The following NOL4L variants were observed in gnomAD, a reference collection of about 807,000 sequenced individuals.
The protein encoded by NOL4L is nucleolar protein 4 like, also known as nucleolar protein 4-like.
NOL4L carries 7 observed loss-of-function variants against 64.5 expected under a neutral mutation model. The observed-to-expected ratio is 0.11, with a 90% CI of 0.06 to 0.20. NOL4L has a LOEUF of 0.20. Among genes scored for constraint, NOL4L ranks in the 10% least tolerant of loss-of-function variants. NOL4L has a pLI of 1.00. For missense variants in NOL4L, 680 were observed against 967.1 expected (o/e 0.70, Z 3.94); for synonymous variants, 413 against 401.0 (o/e 1.03, Z -0.36).
intron 1 of NOL4L, among the ~76,000 whole-genome samples, chr20:32,565,315 G>A (rs1979358176): frequency 6.6e-6 from 1 of 152,158 alleles, no homozygotes; most frequent in African/African-American, 2.4e-5. Flanking sequence ...CCTGCCTGCG[G>A]CCTGAGCTTC....
intron 4 of NOL4L, among the ~76,000 whole-genome samples, chr20:32,500,695 G>C (rs2016889556): frequency 1.3e-5 from 2 of 152,024 alleles, no homozygotes; most frequent in Admixed American, 1.3e-4. Flanking sequence ...AAATATGCAA[G>C]ATGAGCCTGG....
intron 4 of NOL4L, among the ~76,000 whole-genome samples, chr20:32,482,430 G>C (rs1023753177): frequency 6.6e-6 from 1 of 152,092 alleles, no homozygotes; most frequent in Non-Finnish European, 1.5e-5. Flanking sequence ...ACGCAGCTCC[G>C]GGTGGGAGCA....
At chr20:32,451,230 A>AC (rs1568590055) in intron 10 of NOL4L, among the ~76,000 whole-genome samples, 2 of 152,056 alleles carry the variant, frequency 1.3e-5, no homozygotes, top group African/African-American at 2.4e-5. Context: ...CTTCTGAACG[A>AC]CCCCCAAAGC....
chr20:32,484,427 GTCT>G, intron 4 of NOL4L, among the ~76,000 whole-genome samples: 1 of 149,766 alleles, frequency 6.7e-6, no homozygotes, highest in African/African-American at 2.5e-5. Flanking sequence ...CATCCGCACC[GTCT>G]CGCTCTTCAC....
chr20:32,485,303 T>G (rs2016042639), intron 4 of NOL4L, among the ~76,000 whole-genome samples: 1 of 152,176 alleles, frequency 6.6e-6, no homozygotes, highest in Admixed American at 6.5e-5. Context: ...CCTTTTTTCT[T>G]TCTTCCTCTG....
chr20:32,477,128 GCA>G (rs757697885), intron 4 of NOL4L, among the ~76,000 whole-genome samples: 10 of 152,154 alleles, frequency 6.6e-5, no homozygotes, highest in Non-Finnish European at 8.8e-5. Flanking sequence ...CACTCAATAC[GCA>G]CACTCTGGCC....
intron 1 of NOL4L, among the ~76,000 whole-genome samples, chr20:32,556,552 G>A (rs1363006705): frequency 1.3e-5 from 2 of 152,142 alleles, no homozygotes; most frequent in East Asian, 1.9e-4. Context: ...GACTAGAAGC[G>A]GAGGCTCAGA....
intron 4 of NOL4L, 94 bp downstream of exon 4, chr20:32,511,253 A>T: frequency 1.3e-6 from 1 of 757,964 alleles, no homozygotes; most frequent in Non-Finnish European, 2.2e-6. Context: ...CCGTGTGTTT[A>T]CACAAGCTGT....
intron 1 of NOL4L, among the ~76,000 whole-genome samples, chr20:32,538,363 C>T (rs1454784789): frequency 2.6e-5 from 4 of 152,108 alleles, no homozygotes; most frequent in East Asian, 1.9e-4. Flanking sequence ...GAAGCAGAAC[C>T]GGCTCTGTGT....
At position 32,478,993 on chromosome 20, in the gene NOL4L, C is replaced by T. The variant is rs566315401; in HGVS notation, c.700-4251G>A. ...AGACTTACACAAACCCTTCAACACCCAGACTTTCAAGGGCTGAGGTAGAGA... is the reference window on the plus strand; with the variant it reads ...AGACTTACACAAACCCTTCAACACCTAGACTTTCAAGGGCTGAGGTAGAGA... On this transcript the variant is annotated intron_variant, in intron 4 of 10. Transcript: ENST00000621426. Among the ~76,000 whole-genome samples the T allele has an allele frequency of 1.7e-3, 257 of 152,346 alleles. 2 individuals carry two copies. Among genetic ancestry groups the T allele is most frequent in the African/African-American group, 5.6e-3 (233 of 41,580 alleles).
chr20:32,537,167 C>A (rs952784543), intron 1 of NOL4L: 5 of 955,372 alleles, frequency 5.2e-6, no homozygotes, highest in South Asian at 4.8e-5. Flanking sequence ...CCGTGCCAAG[C>A]CTGATCTCCC....
intron 4 of NOL4L, chr20:32,485,503 TCA>T (rs1600730175): frequency 1.0e-5 from 3 of 288,000 alleles, no homozygotes; most frequent in Non-Finnish European, 2.1e-5. Context: ...AATAGAAAAC[TCA>T]CACTTTCTTT....
At chr20:32,488,797 T>TCC (rs1568648032) in intron 4 of NOL4L, among the ~76,000 whole-genome samples, 30 of 23,992 alleles carry the variant, frequency 1.3e-3, no homozygotes, top group African/African-American at 2.1e-3. Context: ...CTTCCTTTCT[T>TCC]TCTTTCTTTT....
Position 32,453,806 on chromosome 20 carries a change from C to A in NOL4L, c.1120-45G>T. 2 of 1,535,836 alleles carry A rather than the reference C, an allele frequency of 1.3e-6. No homozygotes were observed. Among genetic ancestry groups the A allele is most frequent in the Non-Finnish European group, 1.8e-6 (2 of 1,134,904 alleles). On this transcript the variant is annotated intron_variant, in intron 6 of 10. Coordinates refer to ENST00000621426, the MANE Select transcript of NOL4L (RefSeq NM_001256798.2). This position sits in a 1 kb window ranked among gnomAD's most constrained non-coding sequence, Gnocchi z 5.6. ...CAGAGGGTTGGGCCAAGCAGCTGCT[C>A]AAGCCCTTGCTGGGTCTCCTACAGG...
intron 3 of NOL4L, among the ~76,000 whole-genome samples, chr20:32,511,956 T>C (rs2017425642): frequency 6.6e-6 from 1 of 152,082 alleles, no homozygotes; most frequent in African/African-American, 2.4e-5. Flanking sequence ...CAGTCTGCAG[T>C]GAGCTGTGAT....
intron 1 of NOL4L, among the ~76,000 whole-genome samples, chr20:32,556,434 A>T (rs1271761925): frequency 6.6e-6 from 1 of 151,798 alleles, no homozygotes; most frequent in Non-Finnish European, 1.5e-5. Flanking sequence ...CCCTCCTTGA[A>T]CCCTGTTCTT....
intron 6 of NOL4L, among the ~76,000 whole-genome samples, chr20:32,454,364 C>G (rs78294261): frequency 2.6e-4 from 39 of 152,338 alleles, no homozygotes; most frequent in African/African-American, 8.7e-4. Flanking sequence ...GTCTGCCCCC[C>G]ACCCAGGACA....
intron 1 of NOL4L, among the ~76,000 whole-genome samples, chr20:32,563,254 T>G (rs113566417): frequency 1.1e-3 from 16 of 15,108 alleles, no homozygotes; most frequent in Non-Finnish European, 1.4e-3. Flanking sequence ...AGGGTGGAGG[T>G]CAGGGAGGGT....
At chr20:32,511,905 C>T (rs1488088692) in intron 3 of NOL4L, among the ~76,000 whole-genome samples, 2 of 152,106 alleles carry the variant, frequency 1.3e-5, no homozygotes, top group African/African-American at 4.8e-5. Context: ...ACATAGGAGG[C>T]TGAAGTGGGA....
Sources: gnomAD v4.1 joint callset for allele counts (sites outside exome capture counted in the v4.1 genomes callset) on GRCh38, gnomAD v4.1.1 for gene constraint, Gnocchi (gnomAD v3.1) non-coding constraint, MANE v1.5 for transcripts, NCBI Gene and HGNC (gene_info 2026-07-23, HGNC 2026-07-21) for gene names.